Variants in REC114 observed in about 807,000 individuals in gnomAD.
REC114 encodes the protein REC114 meiotic recombination protein, also known as meiotic recombination protein REC114.
REC114 carries 27 observed loss-of-function variants against 31.3 expected under a neutral mutation model. The observed-to-expected ratio is 0.86, with a 90% confidence interval of 0.64 to 1.19. REC114 has a LOEUF of 1.19. Ranked by LOEUF, REC114 falls within the 50% of genes most tolerant of loss-of-function variation. The pLI is 0.00. For synonymous variants in REC114, 134 were observed against 127.7 expected (o/e 1.05, Z -0.33); for missense variants, 344 against 326.9 (o/e 1.05, Z -0.40).
chr15:73,555,796 A>G (rs1894458702), intron 4 of REC114, among the ~76,000 whole-genome samples: 1 of 152,350 alleles, frequency 6.6e-6, no homozygotes, highest in Non-Finnish European at 1.5e-5. Flanking sequence ...AGATTTAAAA[A>G]AATCATTTTA....
intron 1 of REC114, among the ~76,000 whole-genome samples, chr15:73,466,285 TG>T (rs1367700799): frequency 1.3e-5 from 2 of 152,032 alleles, no homozygotes; most frequent in African/African-American, 2.4e-5. Flanking sequence ...CTGGGTTCGG[TG>T]GTGCATGCCT....
intron 2 of REC114, among the ~76,000 whole-genome samples, chr15:73,494,472 A>G (rs1356437132): frequency 6.6e-6 from 1 of 150,996 alleles, no homozygotes; most frequent in African/African-American, 2.5e-5. Flanking sequence ...AGCCTGGGTG[A>G]CAGAACAAGA....
Position 73,556,342 on chromosome 15 carries a change from C to T in REC114, c.587C>T (p.Ala196Val), listed in dbSNP as rs115150158. 1.2e-4 allele frequency: 197 copies of T among 1,613,692 alleles called. No homozygotes were observed. Among genetic ancestry groups the T allele is most frequent in the Non-Finnish European group, 1.6e-4 (187 of 1,179,728 alleles). The change falls in exon 5 of 6, where the codon GCG (alanine) becomes GTG (valine). Residue 196 changes from alanine (A) to valine (V), a missense_variant. Ala to Val is a moderately conservative substitution (Grantham distance 64). Coordinates refer to ENST00000331090, the MANE Select transcript of REC114 (RefSeq NM_001042367.2). The stretch of plus-strand genomic sequence containing the variant: ...GAACAACAGCAAGTGTGTGTAACAG[C>T]GGGCACAGGCGCTCCAGACGGAAGG... The part of the protein sequence containing the change: ...HSEQQQVCVT[A>V]GTGAPDGRTS...
intron 2 of REC114, among the ~76,000 whole-genome samples, chr15:73,510,466 C>G (rs959390601): frequency 6.7e-6 from 1 of 149,670 alleles, no homozygotes; most frequent in Non-Finnish European, 1.5e-5. Flanking sequence ...CTGGCCAGAA[C>G]TTCCAACACT....
intron 2 of REC114, among the ~76,000 whole-genome samples, chr15:73,475,524 T>G (rs978204086): frequency 6.6e-6 from 1 of 152,168 alleles, no homozygotes; most frequent in Non-Finnish European, 1.5e-5. Context: ...AACAAAAGGT[T>G]TTTAAAATAC....
chr15:73,488,183 G>C (rs868813751), intron 2 of REC114, among the ~76,000 whole-genome samples: 1 of 152,320 alleles, frequency 6.6e-6, no homozygotes, highest in South Asian at 2.1e-4. Context: ...TGCCCTCAAG[G>C]CTCTGGCATT....
At chr15:73,474,253 A>C (rs1050014433) in intron 2 of REC114, among the ~76,000 whole-genome samples, 1 of 152,206 alleles carries the variant, frequency 6.6e-6, no homozygotes, top group Non-Finnish European at 1.5e-5. Context: ...TAGGGAAAAC[A>C]GCATATGCAG....
At chr15:73,551,899 G>C (rs896444644) in intron 4 of REC114, among the ~76,000 whole-genome samples, 1 of 152,156 alleles carries the variant, frequency 6.6e-6, no homozygotes. Context: ...TGCCACATGA[G>C]CTTCACAACT....
intron 2 of REC114, among the ~76,000 whole-genome samples, chr15:73,487,962 C>T (rs1893395031): frequency 6.6e-6 from 1 of 152,190 alleles, no homozygotes; most frequent in African/African-American, 2.4e-5. Flanking sequence ...ACCCTACACA[C>T]CTGCAGAATT....
intron 5 of REC114, among the ~76,000 whole-genome samples, chr15:73,558,881 CA>C (rs1208549167): frequency 6.6e-6 from 1 of 152,044 alleles, no homozygotes; most frequent in African/African-American, 2.4e-5. Flanking sequence ...TTCATAATTG[CA>C]AAAAAATAAA....
intron 2 of REC114, among the ~76,000 whole-genome samples, chr15:73,506,390 C>T (rs1230329129): frequency 6.6e-6 from 1 of 152,146 alleles, no homozygotes; most frequent in Non-Finnish European, 1.5e-5. Flanking sequence ...ATACCTAACT[C>T]AGCTGGTTCA....
chr15:73,460,256 T>A lies in REC114; in HGVS notation c.160-13576T>A, dbSNP rs75495600. 3.1e-4 allele frequency among the ~76,000 whole-genome samples: 47 copies of A among 152,310 alleles called. 1 individual carries two copies. In the East Asian group the frequency reaches 8.9e-3, roughly 29 times the overall value. ...ATTTATTTGGACAAATAACTGAAGT[T>A]TTTTTCAGCTTAGTGGTTTAAGGAG... On this transcript the variant is annotated intron_variant, in intron 1 of 5. Transcript: ENST00000331090.
At chr15:73,526,451 T>C (rs771195164) in intron 2 of REC114, among the ~76,000 whole-genome samples, 1 of 152,180 alleles carries the variant, frequency 6.6e-6, no homozygotes, top group African/African-American at 2.4e-5. Flanking sequence ...ATTTTCACAA[T>C]TGGTTTATTA....
At chr15:73,526,385 T>G (rs1894008312) in intron 2 of REC114, among the ~76,000 whole-genome samples, 2 of 152,234 alleles carry the variant, frequency 1.3e-5, no homozygotes, top group South Asian at 4.1e-4. Flanking sequence ...TTTGTTTCTT[T>G]TTCCCTCTTT....
Position 73,469,680 on chromosome 15 carries a change from C to CTTT in REC114, c.160-4132_160-4130dup, listed in dbSNP as rs767748185. ...CCTGGCCTTAGGCAAGCCTTAGACT[C>CTTT]TTTTTTTTTTTTTTTTTTTTTTAAG... On this transcript the variant is annotated intron_variant, in intron 1 of 5. Transcript: ENST00000331090. 2.8e-4 allele frequency among the ~76,000 whole-genome samples: 33 copies of CTTT among 118,914 alleles called. 1 individual carries two copies. The highest frequency in any genetic ancestry group is 6.7e-4 in the African/African-American group (21 of 31,516). 78.0% of individuals were successfully genotyped at this position (118,914 alleles called of 152,430 possible).
At chr15:73,519,705 G>T (rs1003270943) in intron 2 of REC114, among the ~76,000 whole-genome samples, 1 of 152,228 alleles carries the variant, frequency 6.6e-6, no homozygotes, top group Non-Finnish European at 1.5e-5. Context: ...ATTCACAGTA[G>T]GCAAAAGGTA....
chr15:73,531,952 G>A (rs1328077635), intron 2 of REC114, among the ~76,000 whole-genome samples: 2 of 150,034 alleles, frequency 1.3e-5, no homozygotes, highest in African/African-American at 4.9e-5. Flanking sequence ...TTGTCTGATG[G>A]TAAATTAGCA....
intron 2 of REC114, among the ~76,000 whole-genome samples, chr15:73,508,384 G>T (rs1893712524): frequency 6.7e-6 from 1 of 149,302 alleles, no homozygotes; most frequent in African/African-American, 2.5e-5. Flanking sequence ...TCATCTGCCA[G>T]TATATATATC....
At chr15:73,475,255 G>C (rs577592343) in intron 2 of REC114, among the ~76,000 whole-genome samples, 25 of 152,066 alleles carry the variant, frequency 1.6e-4, no homozygotes, top group Non-Finnish European at 3.5e-4. Context: ...AATGATTTTT[G>C]CACTGTAGTC....
Sources: gnomAD v4.1 joint callset for allele counts (sites outside exome capture counted in the v4.1 genomes callset) on GRCh38, gnomAD v4.1.1 for gene constraint, MANE v1.5 for transcripts, NCBI Gene and HGNC (gene_info 2026-07-23, HGNC 2026-07-21) for gene names.